Variants in CFHR4 observed in about 807,000 individuals in gnomAD.
CFHR4 encodes complement factor H related 4.
In CFHR4, 64 loss-of-function variants were observed where a neutral mutation model predicts 69.3. The observed-to-expected ratio is 0.92, with a 90% CI of 0.76 to 1.14. CFHR4 has a LOEUF of 1.14. Among genes scored for constraint, CFHR4 ranks in the 50% most tolerant of loss-of-function variants. The pLI is 0.00. For missense variants in CFHR4, 636 were observed against 684.9 expected (o/e 0.93, Z 0.80); for synonymous variants, 244 against 237.0 (o/e 1.03, Z -0.27).
intron 1 of CFHR4, among the ~76,000 whole-genome samples, chr1:196,889,191 C>A (rs1163408159): frequency 6.6e-6 from 1 of 151,406 alleles, no homozygotes; most frequent in African/African-American, 2.4e-5. Flanking sequence ...CAAAGCTATG[C>A]CACTTTATTT....
chr1:196,907,449 A>G lies in CFHR4; in HGVS notation c.750A>G (p.Lys250=), dbSNP rs768249487. The G allele has an allele frequency of 6.2e-7, 1 of 1,612,246 alleles. No individual in the cohort carries two copies. Among genetic ancestry groups the G allele is most frequent in the Non-Finnish European group, 8.5e-7 (1 of 1,179,192 alleles). Residue 250 remains lysine, a synonymous_variant, in exon 5 of 10, where the codon AAA becomes AAG. Coordinates refer to ENST00000608469, the MANE Select transcript of CFHR4 (RefSeq NM_001201550.3). ...CQSYYELQGS[K]YVTCSNGDWS... ...CCTACTATGAACTTCAGGGTTCTAAATATGTAACATGTAGTAATGGAGACT... is the reference window on the plus strand; with the variant it reads ...CCTACTATGAACTTCAGGGTTCTAAGTATGTAACATGTAGTAATGGAGACT...
chr1:196,905,093 C>A lies in CFHR4; in HGVS notation c.257-15C>A. The A allele has an allele frequency of 6.4e-7, 1 of 1,574,668 alleles. No homozygotes were observed. The highest frequency in any genetic ancestry group is 8.6e-7 in the Non-Finnish European group (1 of 1,160,718). ...CAACAAATATTTACTTTTTTCTCTACTTTTTCTATTTTAGGAACATGCTCA... is the reference window on the plus strand; with the variant it reads ...CAACAAATATTTACTTTTTTCTCTAATTTTTCTATTTTAGGAACATGCTCA... On this transcript the variant is annotated splice_polypyrimidine_tract_variant and intron_variant, in intron 2 of 9. Transcript: ENST00000608469.
intron 9 of CFHR4, among the ~76,000 whole-genome samples, chr1:196,917,979 G>A (rs948419034): frequency 6.6e-6 from 1 of 151,540 alleles, no homozygotes; most frequent in Non-Finnish European, 1.5e-5. Flanking sequence ...GACTGCCAGG[G>A]TTCACGTTTA....
At position 196,913,161 on chromosome 1, in the gene CFHR4, T is replaced by A. The variant is rs1032378164; in HGVS notation, c.1180+239T>A. Reference sequence around the variant, plus strand: ...ATCTGCCTTTACATAAAAGCAATCTTATCATGTACAGACTAGTTAGGGAGC... The same window carrying A: ...ATCTGCCTTTACATAAAAGCAATCTAATCATGTACAGACTAGTTAGGGAGC... On this transcript the variant is annotated intron_variant, in intron 7 of 9. Transcript: ENST00000608469. Among the ~76,000 whole-genome samples, 3 of 151,574 alleles carry A rather than the reference T, an allele frequency of 2.0e-5. 1 individual carries two copies. Among genetic ancestry groups the A allele is most frequent in the African/African-American group, 7.3e-5 (3 of 41,118 alleles).
At position 196,902,631 on chromosome 1, in the gene CFHR4, T is replaced by G. The variant is rs944185423; in HGVS notation, c.256+16T>G. ...CCATGCCTCAGTAAGTAAACCTCTTTACAAGAATATGTGCATAAAACTTGA... is the reference window on the plus strand; with the variant it reads ...CCATGCCTCAGTAAGTAAACCTCTTGACAAGAATATGTGCATAAAACTTGA... On this transcript the variant is annotated intron_variant, in intron 2 of 9. Transcript: ENST00000608469. 6.4e-7 allele frequency: 1 copy of G among 1,564,716 alleles called. No homozygotes were observed. The highest frequency in any genetic ancestry group is 1.7e-5 in the Admixed American group (1 of 59,496).
At chr1:196,911,423 A>G (rs185917842) in intron 6 of CFHR4, among the ~76,000 whole-genome samples, 2 of 151,662 alleles carry the variant, frequency 1.3e-5, no homozygotes, top group East Asian at 3.9e-4. Context: ...TTATAGCATT[A>G]ATTTAAAAAT....
chr1:196,916,262 C>A (rs562273444), intron 9 of CFHR4, among the ~76,000 whole-genome samples: 2 of 151,728 alleles, frequency 1.3e-5, no homozygotes, highest in East Asian at 3.9e-4. Flanking sequence ...AAACTTGCCA[C>A]AAGTTTCTAC....
intron 1 of CFHR4, among the ~76,000 whole-genome samples, chr1:196,895,981 G>T (rs6428374): frequency 0.99 from 150,200 of 151,186 alleles, 74,645 homozygotes; most frequent in Middle Eastern, 1. Flanking sequence ...CAAATTAGCC[G>T]GTAGTATAGA....
At chr1:196,918,176 T>A in intron 9 of CFHR4, 34 bp from the exon 10 acceptor site, 1 of 1,588,138 alleles carries the variant, frequency 6.3e-7, no homozygotes, top group Non-Finnish European at 8.6e-7. Context: ...AAGGCAAGAT[T>A]ATGATTGTTA....
chr1:196,889,590 GTC>G lies in CFHR4; in HGVS notation c.58+1384_58+1385del, dbSNP rs1257738529. ...TTGTAAGAGTAAACTTGAGAAAAATGTCTTGTAAATTTGGGTCACACCTATAT... is the reference window on the plus strand; with the variant it reads ...TTGTAAGAGTAAACTTGAGAAAAATGTTGTAAATTTGGGTCACACCTATAT... On this transcript the variant is annotated intron_variant, in intron 1 of 9. Coordinates refer to ENST00000608469, the MANE Select transcript of CFHR4 (RefSeq NM_001201550.3). Among the ~76,000 whole-genome samples, 3 of 151,578 alleles carry G rather than the reference GTC, an allele frequency of 2.0e-5. No homozygotes were observed. The East Asian group carries it at 5.8e-4, about 29-fold the overall frequency.
intron 7 of CFHR4, 52 bp downstream of exon 7, chr1:196,912,974 T>C (rs761536862): frequency 3.7e-6 from 6 of 1,608,002 alleles, no homozygotes; most frequent in South Asian, 1.1e-5. Flanking sequence ...GTTCCTCTCT[T>C]TGAGATGATA....
At chr1:196,900,603 T>G (rs998066329) in intron 1 of CFHR4, among the ~76,000 whole-genome samples, 4 of 151,308 alleles carry the variant, frequency 2.6e-5, no homozygotes, top group Non-Finnish European at 4.4e-5. Flanking sequence ...AATGGAAATT[T>G]TAATTGAGTT....
intron 3 of CFHR4, among the ~76,000 whole-genome samples, chr1:196,905,790 TA>T (rs1433354228): frequency 6.6e-6 from 1 of 151,434 alleles, no homozygotes; most frequent in Non-Finnish European, 1.5e-5. Flanking sequence ...CTCAAAAAAT[TA>T]TTTCCAGCTT....
At chr1:196,889,622 C>T (rs1656912993) in intron 1 of CFHR4, among the ~76,000 whole-genome samples, 1 of 151,494 alleles carries the variant, frequency 6.6e-6, no homozygotes, top group South Asian at 2.1e-4. Flanking sequence ...CTATATTTCT[C>T]AAAGGAGAAA....
chr1:196,898,743 T>A (rs892925266), intron 1 of CFHR4, among the ~76,000 whole-genome samples: 1 of 151,586 alleles, frequency 6.6e-6, no homozygotes, highest in African/African-American at 2.4e-5. Context: ...CTGTGTCAGA[T>A]GCTCTCCTGT....
chr1:196,904,690 T>G (rs1292030400), intron 2 of CFHR4, among the ~76,000 whole-genome samples: 1 of 151,564 alleles, frequency 6.6e-6, no homozygotes, highest in African/African-American at 2.4e-5. Flanking sequence ...ATTTACAAAT[T>G]TATTTCCTTG....
In CFHR4 at chr1:196,902,443, A is replaced by G. The variant is rs754348652; in HGVS notation, c.84A>G (p.Glu28=). The change falls in exon 2 of 10, where the codon GAA becomes GAG. Residue 28 remains glutamate (E), a synonymous_variant. Coordinates refer to ENST00000608469, the MANE Select transcript of CFHR4 (RefSeq NM_001201550.3). Reference sequence around the variant, plus strand: ...AAGTGAAACCTTGTGATTTTCCAGAAATTCAACATGGAGGTCTATATTATA... The same window carrying G: ...AAGTGAAACCTTGTGATTTTCCAGAGATTCAACATGGAGGTCTATATTATA... ...GQEVKPCDFP[E]IQHGGLYYKS... 2.5e-6 allele frequency: 4 copies of G among 1,608,262 alleles called. No individual in the cohort carries two copies. The African/African-American group carries it at 5.4e-5, about 22-fold the overall frequency.
chr1:196,891,231 G>A (rs1354595361), intron 1 of CFHR4, among the ~76,000 whole-genome samples: 1 of 151,494 alleles, frequency 6.6e-6, no homozygotes, highest in Non-Finnish European at 1.5e-5. Context: ...CAGCCTTGGC[G>A]ACAGAGCAAG....
intron 1 of CFHR4, among the ~76,000 whole-genome samples, chr1:196,889,304 A>G (rs1171863253): frequency 6.6e-6 from 1 of 151,576 alleles, no homozygotes; most frequent in East Asian, 1.9e-4. Context: ...CAAAATGAAA[A>G]AAAAGGAATT....
Sources: gnomAD v4.1 joint callset for allele counts (sites outside exome capture counted in the v4.1 genomes callset) on GRCh38, gnomAD v4.1.1 for gene constraint, MANE v1.5 for transcripts, NCBI Gene and HGNC (gene_info 2026-07-23, HGNC 2026-07-21) for gene names.